Variants in PLCE1 observed in about 807,000 individuals in gnomAD.
PLCE1 encodes phospholipase C epsilon 1, also known as 1-phosphatidylinositol 4,5-bisphosphate phosphodiesterase epsilon-1.
A neutral mutation model predicts 242.8 loss-of-function variants in PLCE1; 119 were observed. The observed-to-expected ratio is 0.49, with a 90% confidence interval of 0.42 to 0.57. The LOEUF is 0.57. Among genes scored for constraint, PLCE1 ranks in the 20% least tolerant of loss-of-function variants. The pLI, the probability that PLCE1 is intolerant of heterozygous loss-of-function variation, is 0.00. For missense variants in PLCE1, 2,441 were observed against 2,788.8 expected (o/e 0.88, Z 2.81); for synonymous variants, 945 against 1,017.4 (o/e 0.93, Z 1.35).
At chr10:94,047,739 AC>A (rs1475404104) in intron 2 of PLCE1, among the ~76,000 whole-genome samples, 7 of 152,188 alleles carry the variant, frequency 4.6e-5, no homozygotes, top group African/African-American at 1.7e-4. Flanking sequence ...TAAAACTAGA[AC>A]CTTGACAAAC....
At chr10:94,093,689 G>T (rs915307788) in intron 2 of PLCE1, among the ~76,000 whole-genome samples, 2 of 152,142 alleles carry the variant, frequency 1.3e-5, no homozygotes, top group Non-Finnish European at 2.9e-5. Context: ...TTATGGTCTT[G>T]ACTCTGCCTA....
chr10:94,147,681 A>G (rs1393790597), intron 3 of PLCE1, among the ~76,000 whole-genome samples: 1 of 152,190 alleles, frequency 6.6e-6, no homozygotes, highest in Non-Finnish European at 1.5e-5. Flanking sequence ...GGAGATGGGC[A>G]TAGAGATGGG....
chr10:94,164,667 C>T (rs959698904), intron 3 of PLCE1, among the ~76,000 whole-genome samples: 2 of 152,170 alleles, frequency 1.3e-5, no homozygotes, highest in African/African-American at 4.8e-5. Context: ...AGCTTTGTTC[C>T]GTTGCTGGTG....
In PLCE1 at chr10:94,305,279, A is replaced by G. The variant is rs536885399; in HGVS notation, c.5622+634A>G. Among the ~76,000 whole-genome samples the G allele has an allele frequency of 6.1e-4, 93 of 152,214 alleles. 2 individuals carry two copies. Among genetic ancestry groups the G allele is most frequent in the Admixed American group, 4.3e-3 (65 of 15,290 alleles). On this transcript the variant is annotated intron_variant, in intron 25 of 32. Transcript: ENST00000371380. ...ACCCTGTTTCTACAAAAAAATAACA[A>G]AAAAAATTAGCTGGGCATGGTGGTT...
intron 11 of PLCE1, among the ~76,000 whole-genome samples, chr10:94,255,945 CT>C (rs1564834509): frequency 0.016 from 2,333 of 145,464 alleles, 32 homozygotes; most frequent in Non-Finnish European, 0.029. Context: ...CTCTCTCTCT[CT>C]CTCTCTCTCT....
At chr10:94,188,348 T>G (rs954360146) in intron 4 of PLCE1, among the ~76,000 whole-genome samples, 2 of 152,204 alleles carry the variant, frequency 1.3e-5, no homozygotes, top group Non-Finnish European at 2.9e-5. Context: ...CAACCAATCT[T>G]AGGGAAAAAA....
chr10:94,193,173 G>A (rs1340409577), intron 4 of PLCE1, among the ~76,000 whole-genome samples: 4 of 152,162 alleles, frequency 2.6e-5, no homozygotes, highest in Non-Finnish European at 5.9e-5. Context: ...TTTTGAACTG[G>A]AAGGTTCTGT....
At chr10:94,050,919 T>C (rs148517546) in intron 2 of PLCE1, among the ~76,000 whole-genome samples, 1 of 152,118 alleles carries the variant, frequency 6.6e-6, no homozygotes, top group Non-Finnish European at 1.5e-5. Flanking sequence ...GTTCACAGCA[T>C]GAAGTGATGG....
chr10:94,231,185 A>G (rs2211448), intron 5 of PLCE1, among the ~76,000 whole-genome samples: 2 of 152,188 alleles, frequency 1.3e-5, no homozygotes, highest in Non-Finnish European at 2.9e-5. Context: ...TCAATTCTCA[A>G]TTCAACAATA....
chr10:94,091,222 A>G (rs2135369143), intron 2 of PLCE1, among the ~76,000 whole-genome samples: 1 of 152,260 alleles, frequency 6.6e-6, no homozygotes, highest in Non-Finnish European at 1.5e-5. Flanking sequence ...GATCTTGATG[A>G]AGGTTTTACT....
intron 2 of PLCE1, among the ~76,000 whole-genome samples, chr10:94,127,069 C>G (rs1030273503): frequency 6.6e-6 from 1 of 152,214 alleles, no homozygotes; most frequent in Non-Finnish European, 1.5e-5. Flanking sequence ...ACTTTCCCAT[C>G]TACAAAATGA....
At chr10:94,051,501 G>T in intron 2 of PLCE1, among the ~76,000 whole-genome samples, 1 of 151,978 alleles carries the variant, frequency 6.6e-6, no homozygotes, top group East Asian at 1.9e-4. Flanking sequence ...CCCATCCAAA[G>T]GATACGTCAT....
rs61732525 is a variant in PLCE1, at chr10:94,279,849, A to T, written c.4733A>T (p.Asn1578Ile). 2.7e-5 allele frequency: 44 copies of T among 1,613,606 alleles called. No homozygotes were observed. In the East Asian group the frequency reaches 9.6e-4, roughly 35 times the overall value. The change falls in exon 20 of 33, where the codon AAT (asparagine) becomes ATT (isoleucine). Residue 1578 changes from asparagine (N) to isoleucine (I), a missense_variant. Transcript: ENST00000371380. ...GGGAATGCCAACCCCCGACCTGCCA[A>T]TAATGAGGAAGAGGAAGATGAGGAG... ...NGGNANPRPA[N>I]NEEEEDEEDE... is the part of the protein sequence containing the mutation.
intron 2 of PLCE1, among the ~76,000 whole-genome samples, chr10:94,056,885 A>T (rs550510376): frequency 2.2e-5 from 3 of 136,604 alleles, no homozygotes; most frequent in African/African-American, 8.4e-5. Flanking sequence ...TGGACATTTC[A>T]TATATGGAAT....
intron 3 of PLCE1, among the ~76,000 whole-genome samples, chr10:94,158,853 TC>T (rs1436231672): frequency 7.3e-6 from 1 of 136,248 alleles, no homozygotes; most frequent in Non-Finnish European, 1.6e-5. Flanking sequence ...TTCTTCTTTT[TC>T]TTTTTTTTTT....
At chr10:94,145,873 G>A (rs1287070126) in intron 3 of PLCE1, among the ~76,000 whole-genome samples, 1 of 152,074 alleles carries the variant, frequency 6.6e-6, no homozygotes, top group Non-Finnish European at 1.5e-5. Context: ...CAGGTCATCT[G>A]TGAACAACCT....
chr10:94,110,056 TTC>T (rs2045897526), intron 2 of PLCE1, among the ~76,000 whole-genome samples: 7 of 91,288 alleles, frequency 7.7e-5, no homozygotes, highest in Non-Finnish European at 1.6e-4. Context: ...TTTTTCTTTT[TTC>T]TTTTTTTTTT....
chr10:94,109,574 C>T (rs1273916988), intron 2 of PLCE1, among the ~76,000 whole-genome samples: 1 of 152,132 alleles, frequency 6.6e-6, no homozygotes, highest in Non-Finnish European at 1.5e-5. Flanking sequence ...TGCCACTGTA[C>T]TCCAGCCTGG....
chr10:94,090,909 C>A (rs2045042539), intron 2 of PLCE1, among the ~76,000 whole-genome samples: 1 of 152,152 alleles, frequency 6.6e-6, no homozygotes, highest in African/African-American at 2.4e-5. Context: ...TAGCTGTAAT[C>A]TTTAGGAAAA....
Sources: allele counts gnomAD v4.1 joint callset (sites outside exome capture counted in the v4.1 genomes callset), GRCh38; gene constraint gnomAD v4.1.1; transcripts MANE v1.5; gene names NCBI Gene and HGNC (gene_info 2026-07-23, HGNC 2026-07-21).